FGF18: variants seen among roughly 807,000 people sequenced by gnomAD.
FGF18 encodes the protein fibroblast growth factor 18.
In FGF18, 5 loss-of-function variants were observed where a neutral mutation model predicts 23.0. That is an observed-to-expected ratio of 0.22 (90% CI 0.11 to 0.46). The LOEUF (loss-of-function observed/expected upper bound fraction) is 0.46, where lower values mean the gene tolerates loss of function less well. Ranked by LOEUF, FGF18 falls within the 20% of genes least tolerant of loss-of-function variation. FGF18 has a pLI of 0.99. For missense variants in FGF18, 180 were observed against 291.6 expected, an observed-to-expected ratio of 0.62 and a Z score of 2.79; for synonymous variants, 117 against 118.9, an observed-to-expected ratio of 0.98 and a Z score of 0.10.
At chr5:171,446,920 C>T (rs554087116) in intron 3 of FGF18, among the ~76,000 whole-genome samples, 1 of 152,156 alleles carries the variant, frequency 6.6e-6, no homozygotes. Context: ...GGTCATAGTG[C>T]AAGACCTGGG....
chr5:171,457,084 C>A lies in FGF18; in HGVS notation c.*279C>A, dbSNP rs1421991243. The A allele has an allele frequency of 2.9e-6, 1 of 347,568 alleles. No individual in the cohort carries two copies. Among genetic ancestry groups the A allele is most frequent in the Admixed American group, 4.4e-5 (1 of 22,786 alleles). The allele number at this position is 347,568 out of a possible 1,614,324, so 21.5% of individuals were successfully genotyped here. On this transcript the variant is annotated 3_prime_UTR_variant, in exon 5 of 5. Transcript: ENST00000274625. ...TAGGAACAGACAACTCTAAACTCGTCCCCAGAGGAGGACTTGAATGAGGAA... is the reference window on the plus strand; with the variant it reads ...TAGGAACAGACAACTCTAAACTCGTACCCAGAGGAGGACTTGAATGAGGAA...
intron 3 of FGF18, among the ~76,000 whole-genome samples, chr5:171,444,842 G>T (rs10062980): frequency 6.6e-6 from 1 of 152,166 alleles, no homozygotes; most frequent in Non-Finnish European, 1.5e-5. Flanking sequence ...ATTAAAACTG[G>T]CTTACTGGTC....
chr5:171,448,538 C>A lies in FGF18; in HGVS notation c.251-609C>A, dbSNP rs545255053. Among the ~76,000 whole-genome samples, 429 of 152,260 alleles carry A rather than the reference C, an allele frequency of 2.8e-3. 2 individuals are homozygous for A. The Middle Eastern group carries it at 0.051, about 18-fold the overall frequency. ...GAGGTGTGCGTGCACATGCCTGCAT[C>A]TGTATCTATCTGTCCCCTTGGTCCC... On this transcript the variant is annotated intron_variant, in intron 3 of 4. Transcript: ENST00000274625.
chr5:171,437,908 G>A (rs190582899), intron 3 of FGF18, among the ~76,000 whole-genome samples: 11 of 152,240 alleles, frequency 7.2e-5, no homozygotes, highest in Admixed American at 6.5e-4. Flanking sequence ...GAGCTCGAGA[G>A]GGAGGGGAGC....
Position 171,456,315 on chromosome 5 carries a change from G to A in FGF18, c.358-224G>A, listed in dbSNP as rs1483803560. Among the ~76,000 whole-genome samples the A allele has an allele frequency of 1.3e-5, 2 of 152,050 alleles. No homozygotes were observed. Among genetic ancestry groups the A allele is most frequent in the East Asian group, 3.9e-4 (2 of 5,178 alleles). On this transcript the variant is annotated intron_variant, in intron 4 of 4. Transcript: ENST00000274625. The surrounding 1 kb of genome is among the most constrained non-coding windows in gnomAD (Gnocchi z 6.1). Reference sequence around the variant, plus strand: ...TTTAGCCAGAATCCCCTACACCCTCGATGTTTCCTCTTAGTCATTTTCCAC... The same window carrying A: ...TTTAGCCAGAATCCCCTACACCCTCAATGTTTCCTCTTAGTCATTTTCCAC...
intron 2 of FGF18, among the ~76,000 whole-genome samples, chr5:171,433,116 A>C (rs889413955): frequency 6.6e-6 from 1 of 151,850 alleles, no homozygotes; most frequent in African/African-American, 2.4e-5. Flanking sequence ...ACCAGAGGCC[A>C]CCCCCGCCAC....
intron 3 of FGF18, among the ~76,000 whole-genome samples, chr5:171,444,699 G>C (rs920211718): frequency 6.6e-6 from 1 of 152,088 alleles, no homozygotes; most frequent in Non-Finnish European, 1.5e-5. Flanking sequence ...GGAATCAGAC[G>C]CTGGACTCAG....
In FGF18 at chr5:171,426,064, C is replaced by T. The variant is rs1057213020; in HGVS notation, c.69+5621C>T. Among the ~76,000 whole-genome samples the T allele has an allele frequency of 4.6e-5, 7 of 152,082 alleles. No individual in the cohort carries two copies. In the East Asian group the frequency reaches 1.3e-3, roughly 29 times the overall value. On this transcript the variant is annotated intron_variant, in intron 2 of 4. Transcript: ENST00000274625. ...CTGCTTTCTCTTTGCTGTGTGACCT[C>T]GGGCAAGTTACTTAACTCCCCTGGG...
chr5:171,434,289 G>C lies in FGF18; in HGVS notation c.70-1804G>C, dbSNP rs1377358567. On this transcript the variant is annotated intron_variant, in intron 2 of 4. Transcript: ENST00000274625. The surrounding 1 kb of genome is among the most constrained non-coding windows in gnomAD (Gnocchi z 4.6). Reference sequence around the variant, plus strand: ...TGTGGGATGATGCTTCCACCCTGAGGACAATCATGAAGGTTCAACAATGTG... The same window carrying C: ...TGTGGGATGATGCTTCCACCCTGAGCACAATCATGAAGGTTCAACAATGTG... 6.6e-6 allele frequency among the ~76,000 whole-genome samples: 1 copy of C among 152,216 alleles called. No individual in the cohort carries two copies. The highest frequency in any genetic ancestry group is 1.5e-5 in the Non-Finnish European group (1 of 68,040).
intron 2 of FGF18, among the ~76,000 whole-genome samples, chr5:171,424,593 A>C (rs954369734): frequency 6.6e-6 from 1 of 152,224 alleles, no homozygotes; most frequent in Non-Finnish European, 1.5e-5. Flanking sequence ...ATTCAGAAGA[A>C]TATTGGTGGG....
intron 2 of FGF18, among the ~76,000 whole-genome samples, chr5:171,433,147 C>T (rs557866428): frequency 6.6e-6 from 1 of 152,324 alleles, no homozygotes; most frequent in Admixed American, 6.5e-5. Context: ...GCTGATCTGG[C>T]CACAGAATGG....
chr5:171,452,528 C>T (rs1034664686), intron 4 of FGF18, among the ~76,000 whole-genome samples: 1 of 152,180 alleles, frequency 6.6e-6, no homozygotes. Context: ...TTCAGGCGGC[C>T]CCCCTTCTCC....
chr5:171,422,334 C>T (rs903327470), intron 2 of FGF18, among the ~76,000 whole-genome samples: 1 of 152,142 alleles, frequency 6.6e-6, no homozygotes, highest in African/African-American at 2.4e-5. Flanking sequence ...CTCTCCCCAC[C>T]ACCTCCACCT....
Position 171,436,970 on chromosome 5 carries a change from C to T in FGF18, c.250+697C>T, listed in dbSNP as rs908364244. On this transcript the variant is annotated intron_variant, in intron 3 of 4. Coordinates refer to ENST00000274625, the MANE Select transcript of FGF18 (RefSeq NM_003862.3). This position sits in a 1 kb window ranked among gnomAD's most constrained non-coding sequence, Gnocchi z 4.4. ...TCCCAGAGCTTGGAGGGCCTCTGGC[C>T]TAGACAGACACTGAGCAAATACCAC... is the stretch of plus-strand genomic sequence containing the variant. Among the ~76,000 whole-genome samples, 27 of 152,234 alleles carry T rather than the reference C, an allele frequency of 1.8e-4. No homozygotes were observed. The highest frequency in any genetic ancestry group is 6.3e-3 in the Middle Eastern group (2 of 316).
chr5:171,440,223 T>TG lies in FGF18; in HGVS notation c.250+3951dup, dbSNP rs1294929361. 8.2e-6 allele frequency among the ~76,000 whole-genome samples: 1 copy of TG among 121,748 alleles called. No individual in the cohort carries two copies. The highest frequency in any genetic ancestry group is 1.8e-5 in the Non-Finnish European group (1 of 55,614). 79.9% of individuals were successfully genotyped at this position (121,748 alleles called of 152,430 possible). On this transcript the variant is annotated intron_variant, in intron 3 of 4. Coordinates refer to ENST00000274625, the MANE Select transcript of FGF18 (RefSeq NM_003862.3). The surrounding 1 kb of genome is among the most constrained non-coding windows in gnomAD (Gnocchi z 4.0). The stretch of plus-strand genomic sequence containing the variant: ...CCACCTGACCTCCTTACTATGGGTG[T>TG]GTGGGGGGGGGTGGTGCCATCGCGG...
intron 2 of FGF18, among the ~76,000 whole-genome samples, chr5:171,429,785 C>G (rs1772149785): frequency 6.6e-6 from 1 of 152,172 alleles, no homozygotes; most frequent in Non-Finnish European, 1.5e-5. Flanking sequence ...GCATCCCTGT[C>G]TCTTGGGTGG....
In FGF18 at chr5:171,456,780, G is replaced by A. The variant is rs371575721; in HGVS notation, c.599G>A (p.Arg200Gln). ...KYTTVTKRSRRIRPTHPA is the reference protein window; with the variant it reads ...KYTTVTKRSRQIRPTHPA ...ACGACGGTGACCAAGAGGTCCCGTCGGATCCGGCCCACACACCCTGCCTAG... is the reference window on the plus strand; with the variant it reads ...ACGACGGTGACCAAGAGGTCCCGTCAGATCCGGCCCACACACCCTGCCTAG... The change falls in exon 5 of 5, where the codon CGG becomes CAG. Residue 200 changes from arginine to glutamine, a missense_variant. Coordinates refer to ENST00000274625, the MANE Select transcript of FGF18 (RefSeq NM_003862.3). The surrounding 1 kb of genome is among the most constrained non-coding windows in gnomAD (Gnocchi z 6.1). The A allele has an allele frequency of 1.2e-5, 19 of 1,613,598 alleles. No homozygotes were observed. Among genetic ancestry groups the A allele is most frequent in the African/African-American group, 9.3e-5 (7 of 74,880 alleles).
intron 3 of FGF18, among the ~76,000 whole-genome samples, chr5:171,439,663 G>A (rs1581275265): frequency 1.3e-5 from 2 of 152,216 alleles, no homozygotes; most frequent in Admixed American, 1.3e-4. Flanking sequence ...AAGTGGGGAG[G>A]AGAAGGCCTC....
At chr5:171,435,712 T>C (rs1772235182) in intron 2 of FGF18, among the ~76,000 whole-genome samples, 1 of 152,148 alleles carries the variant, frequency 6.6e-6, no homozygotes, top group South Asian at 2.1e-4. Context: ...TTTCTTCCCG[T>C]TTGCTCACTT....
Sources: gnomAD v4.1 joint callset for allele counts (sites outside exome capture counted in the v4.1 genomes callset) on GRCh38, gnomAD v4.1.1 for gene constraint, Gnocchi (gnomAD v3.1) non-coding constraint, MANE v1.5 for transcripts, NCBI Gene and HGNC (gene_info 2026-07-23, HGNC 2026-07-21) for gene names.